Variants in ART1 observed in about 807,000 individuals in gnomAD.
ART1 encodes the protein ADP-ribosyltransferase 1.
A neutral mutation model predicts 27.0 loss-of-function variants in ART1; 29 were observed. The observed-to-expected ratio is 1.08, with a 90% CI of 0.80 to 1.47. ART1 has a LOEUF of 1.47. Among genes scored for constraint, ART1 ranks in the 40% most tolerant of loss-of-function variants. ART1 has a pLI of 0.00. For synonymous variants in ART1, 201 were observed against 172.2 expected, an observed-to-expected ratio of 1.17 and a Z score of -1.31; for missense variants, 480 against 423.0, an observed-to-expected ratio of 1.13 and a Z score of -1.18.
In ART1 at chr11:3,660,254, C is replaced by G. The variant is rs755915909; in HGVS notation, c.735C>G (p.Pro245=). 5 of 1,613,294 alleles carry G rather than the reference C, an allele frequency of 3.1e-6. No individual in the cohort carries two copies. The African/African-American group carries it at 6.7e-5, about 22-fold the overall frequency. ...FPGEEEVLIP[P]FETFQVINAS... Reference sequence around the variant, plus strand: ...GAGAGGAAGAGGTGCTGATCCCCCCCTTTGAGACCTTCCAAGTGATCAATG... The same window carrying G: ...GAGAGGAAGAGGTGCTGATCCCCCCGTTTGAGACCTTCCAAGTGATCAATG... Residue 245 remains proline (P), a synonymous_variant, in exon 3 of 5, where the codon CCC becomes CCG. Coordinates refer to ENST00000250693, the MANE Select transcript of ART1 (RefSeq NM_004314.3).
intron 1 of ART1, among the ~76,000 whole-genome samples, chr11:3,648,043 G>T (rs1589915660): frequency 6.6e-6 from 1 of 152,100 alleles, no homozygotes; most frequent in African/African-American, 2.4e-5. Context: ...TGATGACATT[G>T]TCTTGTGAAA....
chr11:3,655,218 G>T (rs1293764659), intron 1 of ART1, among the ~76,000 whole-genome samples: 2 of 152,288 alleles, frequency 1.3e-5, no homozygotes, highest in African/African-American at 4.8e-5. Flanking sequence ...CCAAAGAAAA[G>T]ACTCTCAGTT....
intron 1 of ART1, among the ~76,000 whole-genome samples, chr11:3,653,860 C>T (rs1451039503): frequency 2.0e-5 from 1 of 49,816 alleles, no homozygotes; most frequent in Non-Finnish European, 4.2e-5. Flanking sequence ...CTACCTCTGT[C>T]TATCCTCACT....
chr11:3,650,676 C>T (rs1448738346), intron 1 of ART1, among the ~76,000 whole-genome samples: 1 of 152,044 alleles, frequency 6.6e-6, no homozygotes, highest in African/African-American at 2.4e-5. Flanking sequence ...TTCATTATCC[C>T]CACCTGCCCA....
intron 4 of ART1, 30 bp from the exon 5 acceptor site, chr11:3,664,062 C>CA: frequency 6.2e-7 from 1 of 1,608,066 alleles, no homozygotes; most frequent in East Asian, 2.2e-5. Flanking sequence ...TCTCTCTCTC[C>CA]CCCAACCTCT....
chr11:3,654,854 A>T (rs1272173566), intron 1 of ART1, among the ~76,000 whole-genome samples: 1 of 152,210 alleles, frequency 6.6e-6, no homozygotes, highest in Non-Finnish European at 1.5e-5. Context: ...CCATGTCCTC[A>T]GTCTGCCTTC....
rs772525381 is a variant in ART1 at position 3,660,089 on chromosome 11, G to T, written c.570G>T (p.Gly190=). 6 of 1,613,652 alleles carry T rather than the reference G, an allele frequency of 3.7e-6. No homozygotes were observed. Among genetic ancestry groups the T allele is most frequent in the Admixed American group, 1.7e-5 (1 of 59,992 alleles). The change falls in exon 3 of 5, where the codon GGG becomes GGT. Residue 190 remains glycine (G), a synonymous_variant. Coordinates refer to ENST00000250693, the MANE Select transcript of ART1 (RefSeq NM_004314.3). The part of the protein sequence containing the change: ...GVHGLRFRPA[G]PRATVRLGGF... ...ACGGCCTGCGCTTCCGGCCAGCAGGGCCCCGGGCCACCGTGAGGCTGGGGG... is the reference window on the plus strand; with the variant it reads ...ACGGCCTGCGCTTCCGGCCAGCAGGTCCCCGGGCCACCGTGAGGCTGGGGG...
Position 3,661,159 on chromosome 11 carries a change from C to T in ART1, c.845-213C>T, listed in dbSNP as rs193071101. Among the ~76,000 whole-genome samples, 199 of 152,220 alleles carry T rather than the reference C, an allele frequency of 1.3e-3. 2 individuals are homozygous for T. Among genetic ancestry groups the T allele is most frequent in the Non-Finnish European group, 2.3e-3 (159 of 68,012 alleles). ...GGGAGCAGGAGTGCCCCAGAGTAGA[C>T]CCTGGCTCTGATGGCCCACTCCCTT... is the stretch of plus-strand genomic sequence containing the variant. On this transcript the variant is annotated intron_variant, in intron 3 of 4. Transcript: ENST00000250693.
Position 3,660,062 on chromosome 11 carries a change from G to T in ART1, c.543G>T (p.Val181=). ...GGTGCCACCAGGTGTTCCGAGGTGT[G>T]CACGGCCTGCGCTTCCGGCCAGCAG... The part of the protein sequence containing the change: ...PPRCHQVFRG[V]HGLRFRPAGP... The change falls in exon 3 of 5, where the codon GTG becomes GTT. Residue 181 remains valine (V), a synonymous_variant. Transcript: ENST00000250693. The T allele has an allele frequency of 1.9e-6, 3 of 1,613,582 alleles. No homozygotes were observed. In the South Asian group the frequency reaches 3.3e-5, roughly 18 times the overall value.
chr11:3,659,393 A>T (rs933198210), intron 2 of ART1, 117 bp downstream of exon 2: 2 of 1,489,286 alleles, frequency 1.3e-6, no homozygotes, highest in Admixed American at 1.7e-5. Context: ...CCTGGGGATC[A>T]CTCAGCCCAA....
rs929021817 is a variant in ART1, at chr11:3,653,652, AT to A, written c.-52-5502del. Among the ~76,000 whole-genome samples the A allele has an allele frequency of 7.2e-5, 11 of 152,082 alleles. No homozygotes were observed. In the South Asian group the frequency reaches 1.5e-3, roughly 20 times the overall value. On this transcript the variant is annotated intron_variant, in intron 1 of 4. Transcript: ENST00000250693. ...ACGCGCATGAAAAGAGGAGCTTCGT[AT>A]TTTTTTTAAATCTACTCCGCTTCTC...
chr11:3,658,189 T>TA (rs2077588220), intron 1 of ART1, among the ~76,000 whole-genome samples: 1 of 151,354 alleles, frequency 6.6e-6, no homozygotes, highest in Admixed American at 6.6e-5. Context: ...AAAAATTAGC[T>TA]GGGTGTGGAG....
At position 3,649,291 on chromosome 11, in the gene ART1, A is replaced by G. The variant is rs1017549874; in HGVS notation, c.-53+4112A>G. Among the ~76,000 whole-genome samples, 7 of 152,156 alleles carry G rather than the reference A, an allele frequency of 4.6e-5. No individual in the cohort carries two copies. In the East Asian group the frequency reaches 5.8e-4, roughly 13 times the overall value. ...TCTTCTGCAAGGCTGCTTGACCCCA[A>G]TACAAACTCGACAGTGGTTCCAAAT... On this transcript the variant is annotated intron_variant, in intron 1 of 4. Transcript: ENST00000250693.
intron 1 of ART1, among the ~76,000 whole-genome samples, chr11:3,653,678 C>G (rs372737795): frequency 4.6e-5 from 7 of 152,142 alleles, no homozygotes; most frequent in Non-Finnish European, 8.8e-5. Context: ...CTCCGCTTCT[C>G]CTCTGTGTTT....
In ART1 at chr11:3,645,650, T is replaced by TGG. The variant is rs2077465493; in HGVS notation, c.-53+474_-53+475dup. Among the ~76,000 whole-genome samples, 3 of 152,298 alleles carry TGG rather than the reference T, an allele frequency of 2.0e-5. No homozygotes were observed. In the South Asian group the frequency reaches 6.2e-4, roughly 32 times the overall value. The stretch of plus-strand genomic sequence containing the variant: ...TTCCTCAGACTCTCAGCAAACATGC[T>TGG]GGGGCCTCCCCAGTCCCTGGCCTTG... On this transcript the variant is annotated intron_variant, in intron 1 of 4. Coordinates refer to ENST00000250693, the MANE Select transcript of ART1 (RefSeq NM_004314.3).
intron 4 of ART1, among the ~76,000 whole-genome samples, chr11:3,663,591 TA>T (rs201078503): frequency 6.6e-6 from 1 of 152,158 alleles, no homozygotes; most frequent in Non-Finnish European, 1.5e-5. Flanking sequence ...AATTCTTTAT[TA>T]AAAAAATTTT....
In ART1 at chr11:3,664,261, G is replaced by C; in HGVS notation, c.*72G>C. 7.0e-7 allele frequency: 1 copy of C among 1,434,116 alleles called. No homozygotes were observed. Among genetic ancestry groups the C allele is most frequent in the Non-Finnish European group, 9.7e-7 (1 of 1,027,948 alleles). The allele number at this position is 1,434,116 out of a possible 1,614,324, so 88.8% of individuals were successfully genotyped here. On this transcript the variant is annotated 3_prime_UTR_variant, in exon 5 of 5. Coordinates refer to ENST00000250693, the MANE Select transcript of ART1 (RefSeq NM_004314.3). The stretch of plus-strand genomic sequence containing the variant: ...AGGATGTTGGCCATGTGTGCTTTCA[G>C]TGTAACCAAGATTCCTGTCAATCCC...
At chr11:3,653,806 C>T (rs2077549186) in intron 1 of ART1, among the ~76,000 whole-genome samples, 2 of 147,252 alleles carry the variant, frequency 1.4e-5, no homozygotes, top group Admixed American at 6.8e-5. Flanking sequence ...TCTATCCTCA[C>T]TGCCATTCTC....
At chr11:3,659,466 C>T (rs952967434) in intron 2 of ART1, 117 bp from the exon 3 acceptor site, 9 of 1,381,778 alleles carry the variant, frequency 6.5e-6, no homozygotes, top group African/African-American at 2.9e-5. Flanking sequence ...TCCCCTTCCC[C>T]ACCAGGTGTG....
Sources: allele counts gnomAD v4.1 joint callset (sites outside exome capture counted in the v4.1 genomes callset), GRCh38; gene constraint gnomAD v4.1.1; transcripts MANE v1.5; gene names NCBI Gene and HGNC (gene_info 2026-07-23, HGNC 2026-07-21).